Variants in SLC23A2 observed in about 807,000 individuals in gnomAD.
SLC23A2 encodes the protein solute carrier family 23 member 2.
In SLC23A2, 36 loss-of-function variants were observed where a neutral mutation model predicts 73.3. The ratio of observed to expected loss-of-function variants is 0.49; its 90% CI spans 0.38 to 0.65. The LOEUF (loss-of-function observed/expected upper bound fraction) is 0.65, where lower values mean the gene tolerates loss of function less well. Among genes scored for constraint, SLC23A2 ranks in the 30% least tolerant of loss-of-function variants. The pLI is 0.00. For missense variants in SLC23A2, 507 were observed against 841.6 expected (o/e 0.60, Z 4.92); for synonymous variants, 343 against 327.3 (o/e 1.05, Z -0.52).
intron 1 of SLC23A2, among the ~76,000 whole-genome samples, chr20:4,986,170 G>C (rs1389389691): frequency 6.6e-6 from 1 of 151,974 alleles, no homozygotes; most frequent in Non-Finnish European, 1.5e-5. Context: ...AGAGTACACG[G>C]CCTAAAAGGT....
chr20:4,975,485 A>C (rs1328043983), intron 1 of SLC23A2, among the ~76,000 whole-genome samples: 1 of 151,004 alleles, frequency 6.6e-6, no homozygotes, highest in Admixed American at 6.6e-5. Context: ...GGTTCAAGCC[A>C]TTCTCCTGCC....
At chr20:5,004,647 C>T (rs2088169739), upstream of SLC23A2, among the ~76,000 whole-genome samples, 2 of 151,940 alleles carry the variant, frequency 1.3e-5, no homozygotes. Flanking sequence ...GAGTTTGAGA[C>T]CACACTAGGC....
At chr20:4,961,333 T>G (rs554513106) in intron 2 of SLC23A2, among the ~76,000 whole-genome samples, 5 of 152,012 alleles carry the variant, frequency 3.3e-5, no homozygotes, top group Non-Finnish European at 5.9e-5. Context: ...CCGCCCACCT[T>G]GGCCTCCCAA....
At chr20:4,980,696 A>C (rs142456239) in intron 1 of SLC23A2, among the ~76,000 whole-genome samples, 2,741 of 151,896 alleles carry the variant, frequency 0.018, 81 homozygotes, top group African/African-American at 0.062. Flanking sequence ...ACACCCGGCT[A>C]ATTTTTTGTT....
At chr20:4,897,700 C>T (rs949817590) in intron 6 of SLC23A2, among the ~76,000 whole-genome samples, 1 of 152,144 alleles carries the variant, frequency 6.6e-6, no homozygotes, top group East Asian at 1.9e-4. Context: ...AAAGTATTTA[C>T]CCCAAGTTCC....
In SLC23A2 at chr20:4,857,008, G is replaced by A; in HGVS notation, c.1917C>T (p.Ser639=). 6.2e-7 allele frequency: 1 copy of A among 1,614,082 alleles called. No individual in the cohort carries two copies. Among genetic ancestry groups the A allele is most frequent in the Non-Finnish European group, 8.5e-7 (1 of 1,179,966 alleles). Residue 639 remains serine (S), a synonymous_variant, in exon 17 of 17, where the codon AGC becomes AGT. Coordinates refer to ENST00000338244, the MANE Select transcript of SLC23A2 (RefSeq NM_005116.6). This position sits in a 1 kb window ranked among gnomAD's most constrained non-coding sequence, Gnocchi z 4.0. The stretch of plus-strand genomic sequence containing the variant: ...CCTGGGAGTCTTCATCTGAACTCCG[G>A]CTGTTGTCGCTCTTCCTGAGGCCTT... The part of the protein sequence containing the change: ...TWKGLRKSDN[S]RSSDEDSQAT...
chr20:4,959,532 C>T (rs551882351), intron 2 of SLC23A2, among the ~76,000 whole-genome samples: 16 of 152,274 alleles, frequency 1.1e-4, no homozygotes, highest in African/African-American at 3.8e-4. Context: ...AGGTCTCACT[C>T]TGCTACCCAG....
chr20:4,878,057 T>C (rs1204439648), intron 9 of SLC23A2, among the ~76,000 whole-genome samples: 1 of 152,228 alleles, frequency 6.6e-6, no homozygotes, highest in African/African-American at 2.4e-5. Flanking sequence ...AGTCCCTTTT[T>C]TGCCAAATGG....
At chr20:4,962,391 T>G (rs1382676810) in intron 2 of SLC23A2, among the ~76,000 whole-genome samples, 2 of 151,868 alleles carry the variant, frequency 1.3e-5, no homozygotes, top group African/African-American at 4.8e-5. Flanking sequence ...TAAAAAGGAC[T>G]GGGGAGGCAA....
chr20:4,905,045 C>T (rs1931885734), intron 4 of SLC23A2, among the ~76,000 whole-genome samples: 1 of 139,876 alleles, frequency 7.1e-6, no homozygotes, highest in Admixed American at 8.0e-5. Flanking sequence ...ACCTAGGAGA[C>T]AGAGGTTGCA....
At chr20:4,957,593 AAAAAG>A (rs1255697860) in intron 2 of SLC23A2, among the ~76,000 whole-genome samples, 1 of 151,564 alleles carries the variant, frequency 6.6e-6, no homozygotes. Context: ...AAAAAAAAAA[AAAAAG>A]AAAAGAAAAA....
intron 9 of SLC23A2, among the ~76,000 whole-genome samples, chr20:4,881,425 C>T (rs576259140): frequency 6.6e-6 from 1 of 152,234 alleles, no homozygotes; most frequent in East Asian, 1.9e-4. Flanking sequence ...GAGGAGGAGT[C>T]AATTTTGGTT....
chr20:4,868,370 G>A lies in SLC23A2; in HGVS notation c.1251-495C>T, dbSNP rs151318237. Among the ~76,000 whole-genome samples, 1,309 of 152,206 alleles carry A rather than the reference G, an allele frequency of 8.6e-3. 21 individuals carry two copies. Among genetic ancestry groups the A allele is most frequent in the African/African-American group, 0.03 (1,251 of 41,514 alleles). On this transcript the variant is annotated intron_variant, in intron 12 of 16. Coordinates refer to ENST00000338244, the MANE Select transcript of SLC23A2 (RefSeq NM_005116.6). This position sits in a 1 kb window ranked among gnomAD's most constrained non-coding sequence, Gnocchi z 4.4. ...ATTACAGGCGTGAGCCACTGTGCCC[G>A]GCCAGAATCTGCATTTTAACAGAAC... is the stretch of plus-strand genomic sequence containing the variant.
intron 11 of SLC23A2, 123 bp downstream of exon 11, chr20:4,873,813 T>C (rs943971074): frequency 5.2e-6 from 5 of 966,464 alleles, no homozygotes; most frequent in Non-Finnish European, 7.7e-6. Flanking sequence ...AATCCTCTCC[T>C]GACCAGAATG....
intron 1 of SLC23A2, among the ~76,000 whole-genome samples, chr20:4,985,604 T>C (rs540803009): frequency 1.2e-4 from 19 of 152,218 alleles, no homozygotes; most frequent in African/African-American, 3.9e-4. Context: ...CGCGCCACCA[T>C]GCCCAGCTAA....
chr20:4,984,767 G>A (rs2087795719), intron 1 of SLC23A2, among the ~76,000 whole-genome samples: 1 of 152,078 alleles, frequency 6.6e-6, no homozygotes, highest in Non-Finnish European at 1.5e-5. Context: ...TGTCAGCAAG[G>A]ACACAGAGAA....
In SLC23A2 at chr20:4,852,952, TG is replaced by T. The variant is rs1486118413; in HGVS notation, c.*4019del. ...GCCTTATGGGTCCATGGGCAGACGC[TG>T]AACGCTGGCAAAACCGGGTGGCCGT... On this transcript the variant is annotated 3_prime_UTR_variant, in exon 17 of 17. Coordinates refer to ENST00000338244, the MANE Select transcript of SLC23A2 (RefSeq NM_005116.6). The surrounding 1 kb of genome is among the most constrained non-coding windows in gnomAD (Gnocchi z 4.3). The T allele has an allele frequency of 6.6e-6, 1 of 152,646 alleles. No homozygotes were observed. The highest frequency in any genetic ancestry group is 1.5e-5 in the Non-Finnish European group (1 of 68,092). The allele number at this position is 152,646 out of a possible 1,614,324, so 9.5% of individuals were successfully genotyped here. A position where few individuals can be genotyped will look rare whatever the true frequency, so the allele number is the denominator to read the frequency against.
rs1600115549 is a variant in SLC23A2, at chr20:4,902,253, C to G, written c.324+189G>C. On this transcript the variant is annotated intron_variant, in intron 5 of 16. Coordinates refer to ENST00000338244, the MANE Select transcript of SLC23A2 (RefSeq NM_005116.6). This position sits in a 1 kb window ranked among gnomAD's most constrained non-coding sequence, Gnocchi z 4.0. ...TCCTAGGCTCCAGTGATCTGCCCAC[C>G]TCAGCCTCCAAAACTGCTAGGATTA... is the stretch of plus-strand genomic sequence containing the variant. Among the ~76,000 whole-genome samples the G allele has an allele frequency of 6.6e-6, 1 of 152,216 alleles. No homozygotes were observed. Among genetic ancestry groups the G allele is most frequent in the Non-Finnish European group, 1.5e-5 (1 of 68,042 alleles).
At chr20:4,974,425 G>GC (rs2087612185) in intron 1 of SLC23A2, among the ~76,000 whole-genome samples, 1 of 151,976 alleles carries the variant, frequency 6.6e-6, no homozygotes, top group African/African-American at 2.4e-5. Flanking sequence ...CCGAGATCGC[G>GC]CATTGCACTC....
Sources: allele counts gnomAD v4.1 joint callset (sites outside exome capture counted in the v4.1 genomes callset), GRCh38; gene constraint gnomAD v4.1.1; non-coding constraint Gnocchi (gnomAD v3.1); transcripts MANE v1.5; gene names NCBI Gene and HGNC (gene_info 2026-07-23, HGNC 2026-07-21).